PCDHA1: variants seen among roughly 807,000 people sequenced by gnomAD.
The protein encoded by PCDHA1 is protocadherin alpha-1.
In PCDHA1, 42 loss-of-function variants were observed where a neutral mutation model predicts 61.3. That is an observed-to-expected ratio of 0.69 (90% CI 0.54 to 0.89). The LOEUF is 0.89. Ranked by LOEUF, PCDHA1 falls within the 40% of genes least tolerant of loss-of-function variation. The pLI is 0.00. For synonymous variants in PCDHA1, 610 were observed against 553.8 expected (o/e 1.10, Z -1.43); for missense variants, 1,256 against 1,235.3 (o/e 1.02, Z -0.25).
chr5:140,800,391 TA>T (rs1562174918), intron 1 of PCDHA1, among the ~76,000 whole-genome samples: 1 of 152,122 alleles, frequency 6.6e-6, no homozygotes, highest in African/African-American at 2.4e-5. Flanking sequence ...TCTACAAATT[TA>T]AAAAACCATA....
At chr5:140,809,016 A>T (rs1764333762) in intron 1 of PCDHA1, 14 of 1,613,580 alleles carry the variant, frequency 8.7e-6, no homozygotes, top group Admixed American at 1.7e-5. Context: ...CTTTCGTACG[A>T]GCTGCAGCCG....
At chr5:140,963,530 A>T (rs1031416091) in intron 1 of PCDHA1, among the ~76,000 whole-genome samples, 29 of 152,216 alleles carry the variant, frequency 1.9e-4, no homozygotes, top group African/African-American at 6.8e-4. Context: ...CAGAAGTCCC[A>T]TTTACTTCAT....
intron 3 of PCDHA1, among the ~76,000 whole-genome samples, chr5:141,008,500 A>C (rs2098379990): frequency 6.6e-6 from 1 of 152,072 alleles, no homozygotes; most frequent in African/African-American, 2.4e-5. Context: ...GGTATACTTT[A>C]TGGTGTGTCT....
At chr5:140,829,853 G>GGCCAA (rs1554132325) in intron 1 of PCDHA1, 1 of 1,613,852 alleles carries the variant, frequency 6.2e-7, no homozygotes, top group East Asian at 2.2e-5. Context: ...ACTGGGTGCA[G>GGCCAA]GCCAAGTGGT....
intron 1 of PCDHA1, chr5:140,843,655 T>C: frequency 6.3e-7 from 1 of 1,594,836 alleles, no homozygotes; most frequent in Non-Finnish European, 8.6e-7. Context: ...GCCTTCCTCC[T>C]GATCTGGGAT....
intron 3 of PCDHA1, among the ~76,000 whole-genome samples, chr5:141,003,141 AGACTC>A (rs1554258926): frequency 1.3e-5 from 2 of 152,202 alleles, no homozygotes; most frequent in African/African-American, 4.8e-5. Flanking sequence ...GCCTTGGCAA[AGACTC>A]TGACCTGATC....
intron 1 of PCDHA1, chr5:140,795,849 A>G (rs374222606): frequency 6.2e-6 from 10 of 1,613,878 alleles, no homozygotes; most frequent in Non-Finnish European, 8.5e-6. Flanking sequence ...AGTTTACCAT[A>G]GATCCCATCT....
chr5:140,929,101 A>G (rs1554206680), intron 1 of PCDHA1: 3 of 1,614,242 alleles, frequency 1.9e-6, no homozygotes, highest in Admixed American at 1.7e-5. Flanking sequence ...AAATCCTTGC[A>G]TGACATCAGC....
intron 1 of PCDHA1, chr5:140,809,533 A>T: frequency 6.2e-7 from 1 of 1,613,948 alleles, no homozygotes; most frequent in Non-Finnish European, 8.5e-7. Flanking sequence ...CTAGGGACAG[A>T]GAAGATCAGC....
chr5:140,804,040 A>G (rs782690715), intron 1 of PCDHA1: 5 of 178,442 alleles, frequency 2.8e-5, no homozygotes, highest in Non-Finnish European at 5.8e-5. Flanking sequence ...TAATGCTTAT[A>G]ACTCCCTATT....
intron 1 of PCDHA1, chr5:140,827,955 C>A: frequency 7.8e-7 from 1 of 1,286,522 alleles, no homozygotes; most frequent in Non-Finnish European, 1.1e-6. Context: ...ATTCAAATTT[C>A]TTCTATTACT....
chr5:140,884,314 G>A, intron 1 of PCDHA1: 1 of 1,613,760 alleles, frequency 6.2e-7, no homozygotes, highest in Non-Finnish European at 8.5e-7. Context: ...CGTCGAGGGC[G>A]TCGGCAGGCG....
chr5:140,885,044 T>G (rs187504984), intron 1 of PCDHA1, among the ~76,000 whole-genome samples: 1 of 152,360 alleles, frequency 6.6e-6, no homozygotes, highest in African/African-American at 2.4e-5. Context: ...TTTAGTTTAA[T>G]GTATACATAT....
At chr5:140,808,215 A>T in intron 1 of PCDHA1, 1 of 1,614,260 alleles carries the variant, frequency 6.2e-7, no homozygotes, top group Non-Finnish European at 8.5e-7. Flanking sequence ...GTAGAAGACA[A>T]CAACGATAAT....
chr5:140,802,724 G>A (rs1305715476), intron 1 of PCDHA1: 3 of 1,612,466 alleles, frequency 1.9e-6, no homozygotes, highest in South Asian at 1.1e-5. Flanking sequence ...GCTACGTGTC[G>A]GTACACGCGG....
At chr5:140,856,003 T>G (rs1554148087) in intron 1 of PCDHA1, 3 of 1,536,896 alleles carry the variant, frequency 2.0e-6, no homozygotes, top group Non-Finnish European at 2.6e-6. Flanking sequence ...CGTATGTGCG[T>G]TCTAGACCGC....
At chr5:140,796,210 G>A (rs782513202) in intron 1 of PCDHA1, 8 of 1,614,190 alleles carry the variant, frequency 5.0e-6, no homozygotes, top group African/African-American at 1.3e-5. Context: ...CCTGGACCGC[G>A]AGAGCGTGTC....
In PCDHA1 at chr5:140,835,890, G is replaced by T. The variant is rs147416989; in HGVS notation, c.2394+47206G>T. Reference sequence around the variant, plus strand: ...GGTGGAGCTGCGGGTGGGCGAGCGCGCGCTGTCGAGCTACGTGTCAGTGCA... The same window carrying T: ...GGTGGAGCTGCGGGTGGGCGAGCGCTCGCTGTCGAGCTACGTGTCAGTGCA... On this transcript the variant is annotated intron_variant, in intron 1 of 3. Coordinates refer to ENST00000504120, the MANE Select transcript of PCDHA1 (RefSeq NM_018900.4). 490 of 1,611,966 alleles carry T rather than the reference G, an allele frequency of 3.0e-4. 3 individuals carry two copies. In the African/African-American group the frequency reaches 5.1e-3, roughly 17 times the overall value.
chr5:140,840,808 C>T (rs1554137908), intron 1 of PCDHA1, among the ~76,000 whole-genome samples: 1 of 151,970 alleles, frequency 6.6e-6, no homozygotes, highest in East Asian at 1.9e-4. Context: ...GTAATATATA[C>T]CAGTGTTTCT....
Sources: allele counts gnomAD v4.1 joint callset (sites outside exome capture counted in the v4.1 genomes callset), GRCh38; gene constraint gnomAD v4.1.1; transcripts MANE v1.5; gene names NCBI Gene and HGNC (gene_info 2026-07-23, HGNC 2026-07-21).